The following KLHL29 variants were observed in gnomAD, a reference collection of about 807,000 sequenced individuals.
KLHL29 encodes the protein kelch like family member 29.
A neutral mutation model predicts 80.4 loss-of-function variants in KLHL29; 21 were observed. That is an observed-to-expected ratio of 0.26 (90% CI 0.19 to 0.38). KLHL29 has a LOEUF of 0.38. Ranked by LOEUF, KLHL29 falls within the 10% of genes least tolerant of loss-of-function variation. The pLI is 1.00. For missense variants in KLHL29, 867 were observed against 1,223.9 expected (o/e 0.71, Z 4.35); for synonymous variants, 511 against 526.8 (o/e 0.97, Z 0.41).
At chr2:23,390,330 A>G (rs949525489) in intron 1 of KLHL29, among the ~76,000 whole-genome samples, 10 of 152,154 alleles carry the variant, frequency 6.6e-5, no homozygotes, top group African/African-American at 2.4e-4. Flanking sequence ...GCAGCTGCAA[A>G]TGATGACTCA....
intron 2 of KLHL29, among the ~76,000 whole-genome samples, chr2:23,509,985 G>T (rs1321586582): frequency 1.3e-5 from 2 of 152,114 alleles, no homozygotes; most frequent in Non-Finnish European, 2.9e-5. Flanking sequence ...TTCCAAAAAA[G>T]ATTTCCATTC....
rs1215104731 is a variant in KLHL29 at position 23,584,096 on chromosome 2, A to G, written c.285+21615A>G. 3.9e-5 allele frequency among the ~76,000 whole-genome samples: 6 copies of G among 152,294 alleles called. No homozygotes were observed. In the East Asian group the frequency reaches 9.7e-4, roughly 25 times the overall value. On this transcript the variant is annotated intron_variant, in intron 3 of 13. Coordinates refer to ENST00000486442, the MANE Select transcript of KLHL29 (RefSeq NM_052920.2). Reference sequence around the variant, plus strand: ...AACCCACCTGCCTGGAGGAAACTATACCCAAATGTCAGCCGAGGCTTATGG... The same window carrying G: ...AACCCACCTGCCTGGAGGAAACTATGCCCAAATGTCAGCCGAGGCTTATGG...
intron 3 of KLHL29, among the ~76,000 whole-genome samples, chr2:23,577,916 T>C (rs1470982331): frequency 6.6e-6 from 1 of 152,152 alleles, no homozygotes; most frequent in African/African-American, 2.4e-5. Flanking sequence ...CCTGTCTCTG[T>C]TCGGAATGCC....
At chr2:23,582,101 C>T (rs556060156) in intron 3 of KLHL29, among the ~76,000 whole-genome samples, 2 of 152,274 alleles carry the variant, frequency 1.3e-5, no homozygotes, top group African/African-American at 4.8e-5. Context: ...CAGCTCCTAT[C>T]AGCCTCACGC....
At chr2:23,674,076 C>A (rs1670858318) in intron 5 of KLHL29, among the ~76,000 whole-genome samples, 1 of 152,190 alleles carries the variant, frequency 6.6e-6, no homozygotes, top group East Asian at 1.9e-4. Flanking sequence ...CAGGAAGAAC[C>A]AGCCATCCCC....
At chr2:23,477,222 C>T (rs1238802489) in intron 2 of KLHL29, among the ~76,000 whole-genome samples, 1 of 152,288 alleles carries the variant, frequency 6.6e-6, no homozygotes, top group Non-Finnish European at 1.5e-5. Context: ...GCCTCCTGGC[C>T]TCTGCCTTGG....
At chr2:23,406,016 A>G (rs1184291907) in intron 1 of KLHL29, among the ~76,000 whole-genome samples, 1 of 152,208 alleles carries the variant, frequency 6.6e-6, no homozygotes. Context: ...TATAACAACA[A>G]AGTAATAATC....
At chr2:23,445,020 G>T (rs1330436061) in intron 1 of KLHL29, among the ~76,000 whole-genome samples, 1 of 152,106 alleles carries the variant, frequency 6.6e-6, no homozygotes, top group Non-Finnish European at 1.5e-5. Context: ...TAAATGAAAT[G>T]ACATATAACA....
In KLHL29 at chr2:23,385,268, C is replaced by T. The variant is rs2103377130; in HGVS notation, c.-666C>T. On this transcript the variant is annotated 5_prime_UTR_variant, in exon 1 of 14. Coordinates refer to ENST00000486442, the MANE Select transcript of KLHL29 (RefSeq NM_052920.2). Reference sequence around the variant, plus strand: ...CCCCGCGCCGCCGCCGCCGTCCCCGCCACCGCGGATCTCGCCGCAGCTCCA... The same window carrying T: ...CCCCGCGCCGCCGCCGCCGTCCCCGTCACCGCGGATCTCGCCGCAGCTCCA... 6.8e-6 allele frequency: 1 copy of T among 147,550 alleles called. No homozygotes were observed. The highest frequency in any genetic ancestry group is 2.5e-5 in the African/African-American group (1 of 40,714). 9.1% of individuals were successfully genotyped at this position (147,550 alleles called of 1,614,324 possible).
At chr2:23,405,115 G>T (rs1210696924) in intron 1 of KLHL29, among the ~76,000 whole-genome samples, 1 of 152,140 alleles carries the variant, frequency 6.6e-6, no homozygotes, top group Non-Finnish European at 1.5e-5. Context: ...AAAAATAACT[G>T]GGATAAGGAA....
rs1671122179 is a variant in KLHL29, at chr2:23,682,682, ACCCTCCCGCACCCTCCCGCG to A, written c.941-1709_941-1690del. 6.9e-6 allele frequency among the ~76,000 whole-genome samples: 1 copy of A among 144,412 alleles called. No homozygotes were observed. Among genetic ancestry groups the A allele is most frequent in the East Asian group, 2.3e-4 (1 of 4,428 alleles). 94.7% of individuals were successfully genotyped at this position (144,412 alleles called of 152,430 possible). A position where few individuals can be genotyped will look rare whatever the true frequency, so the allele number is the denominator to read the frequency against. ...CCCTCGTGCTCCTGCACCCTCCCAC[ACCCTCCCGCACCCTCCCGCG>A]CCCTCCCACTGGTGCTCTGAGCCTG... On this transcript the variant is annotated intron_variant, in intron 5 of 13. Coordinates refer to ENST00000486442, the MANE Select transcript of KLHL29 (RefSeq NM_052920.2). This position sits in a 1 kb window ranked among gnomAD's most constrained non-coding sequence, Gnocchi z 4.1.
chr2:23,401,710 T>G (rs1223142373), intron 1 of KLHL29, among the ~76,000 whole-genome samples: 3 of 152,206 alleles, frequency 2.0e-5, no homozygotes, highest in Non-Finnish European at 4.4e-5. Flanking sequence ...GGTGCATTGC[T>G]GAGCAGAGGG....
chr2:23,553,215 A>G (rs1036370264), intron 2 of KLHL29, among the ~76,000 whole-genome samples: 7 of 152,204 alleles, frequency 4.6e-5, no homozygotes, highest in Non-Finnish European at 1.0e-4. Flanking sequence ...GGACCTGGTT[A>G]GGTGGTCTGC....
chr2:23,650,724 C>T (rs1670066476), intron 5 of KLHL29, among the ~76,000 whole-genome samples: 1 of 152,236 alleles, frequency 6.6e-6, no homozygotes, highest in African/African-American at 2.4e-5. Context: ...GCCGCTTTCT[C>T]CTGTCATGAC....
intron 2 of KLHL29, among the ~76,000 whole-genome samples, chr2:23,502,327 G>A (rs113086073): frequency 4.9e-4 from 74 of 152,356 alleles, no homozygotes; most frequent in African/African-American, 1.5e-3. Context: ...AATCAGCATC[G>A]AACATATTTC....
chr2:23,703,329 C>G lies in KLHL29; in HGVS notation c.2249C>G (p.Ser750Cys), dbSNP rs1258391945. Reference protein sequence around the residue: ...EAGRAAGVLQSYVPQTNTWSF... With the variant: ...EAGRAAGVLQCYVPQTNTWSF... Reference sequence around the variant, plus strand: ...GGCCGAGCTGCCGGCGTCCTCCAGTCTTACGTTCCTCAGACCAACACGTGG... The same window carrying G: ...GGCCGAGCTGCCGGCGTCCTCCAGTGTTACGTTCCTCAGACCAACACGTGG... Residue 750 changes from serine to cysteine, a missense_variant, in exon 12 of 14, where the codon TCT (serine) becomes TGT (cysteine). This residue lies in a region of KLHL29 where 443 missense variants were observed against 767.0 expected (regional missense o/e 0.58). Transcript: ENST00000486442. The G allele has an allele frequency of 2.6e-6, 4 of 1,541,860 alleles. No individual in the cohort carries two copies. Among genetic ancestry groups the G allele is most frequent in the Non-Finnish European group, 3.5e-6 (4 of 1,143,386 alleles).
intron 2 of KLHL29, among the ~76,000 whole-genome samples, chr2:23,509,157 C>A (rs1665696252): frequency 6.6e-6 from 1 of 152,224 alleles, no homozygotes; most frequent in Admixed American, 6.5e-5. Context: ...AAGAGAAGGG[C>A]TCAGGGCAGG....
chr2:23,641,600 T>C (rs1572459373), intron 4 of KLHL29, among the ~76,000 whole-genome samples: 1 of 152,366 alleles, frequency 6.6e-6, no homozygotes, highest in East Asian at 1.9e-4. Context: ...TTTTGTTTTG[T>C]TTCCAAATAC....
At chr2:23,505,513 C>G (rs1289844685) in intron 2 of KLHL29, among the ~76,000 whole-genome samples, 2 of 152,220 alleles carry the variant, frequency 1.3e-5, no homozygotes, top group African/African-American at 4.8e-5. Context: ...CTTCATCCCT[C>G]TGCCTCTTAA....
Sources: allele counts gnomAD v4.1 joint callset (sites outside exome capture counted in the v4.1 genomes callset), GRCh38; gene constraint gnomAD v4.1.1; regional missense constraint gnomAD v4.1.1; non-coding constraint Gnocchi (gnomAD v3.1); transcripts MANE v1.5; gene names NCBI Gene and HGNC (gene_info 2026-07-23, HGNC 2026-07-21).